The following SERPINB6 variants were observed in gnomAD, a reference collection of about 807,000 sequenced individuals.
The protein encoded by SERPINB6 is serpin B6.
SERPINB6 carries 16 observed loss-of-function variants against 26.1 expected under a neutral mutation model. The ratio of observed to expected loss-of-function variants is 0.61; its 90% CI spans 0.42 to 0.93. SERPINB6 has a LOEUF of 0.93. SERPINB6 is among the 40% of genes least tolerant of loss of function. The pLI is 0.00. For synonymous variants in SERPINB6, 174 were observed against 176.6 expected (o/e 0.99, Z 0.11); for missense variants, 420 against 478.0 (o/e 0.88, Z 1.13).
intron 3 of SERPINB6, 85 bp downstream of exon 3, chr6:2,955,439 A>T: frequency 6.6e-7 from 1 of 1,512,540 alleles, no homozygotes; most frequent in Non-Finnish European, 9.2e-7. Context: ...AATGGCATTT[A>T]GAGCCACACG....
intron 1 of SERPINB6, among the ~76,000 whole-genome samples, chr6:2,963,078 G>A (rs918182846): frequency 6.6e-6 from 1 of 151,900 alleles, no homozygotes; most frequent in Non-Finnish European, 1.5e-5. Context: ...ACAATTTGAT[G>A]GTCTACCCAA....
At chr6:2,965,032 A>G (rs1771479766) in intron 1 of SERPINB6, among the ~76,000 whole-genome samples, 1 of 152,154 alleles carries the variant, frequency 6.6e-6, no homozygotes, top group Non-Finnish European at 1.5e-5. Context: ...CTAGAGGCCG[A>G]GGGCCCGGTC....
intron 1 of SERPINB6, among the ~76,000 whole-genome samples, chr6:2,964,560 T>C (rs927913146): frequency 2.6e-5 from 4 of 152,226 alleles, no homozygotes; most frequent in African/African-American, 9.6e-5. Flanking sequence ...TTTGTGTTTT[T>C]CTGGATTTTC....
At chr6:2,968,853 A>C in intron 1 of SERPINB6, 1 of 1,231,400 alleles carries the variant, frequency 8.1e-7, no homozygotes, top group Non-Finnish European at 1.0e-6. Flanking sequence ...AGGGATCAGC[A>C]GCTTTTTTGT....
intron 2 of SERPINB6, chr6:2,956,916 C>T (rs976033258): frequency 1.3e-5 from 2 of 152,194 alleles, no homozygotes; most frequent in Non-Finnish European, 2.9e-5. Context: ...GAGTGACCTG[C>T]ACTGCTTCCT....
At chr6:2,951,852 C>T (rs1020936364) in intron 5 of SERPINB6, among the ~76,000 whole-genome samples, 6 of 152,212 alleles carry the variant, frequency 3.9e-5, no homozygotes, top group Admixed American at 6.5e-5. Flanking sequence ...CTTTCTGAAA[C>T]GCAGAACCAC....
chr6:2,958,562 GGAAGGCCCCAGCGGA>G (rs67522103), intron 2 of SERPINB6, among the ~76,000 whole-genome samples: 37,017 of 151,822 alleles, frequency 0.24, 4,841 homozygotes, highest in Non-Finnish European at 0.3. Flanking sequence ...GGAAGCATGT[GGAAGGCCCCAGCGGA>G]GAAGGCCACG....
rs775223503 is a variant in SERPINB6 at position 2,948,486 on chromosome 6, C to T, written c.943G>A (p.Val315Ile). 2.5e-6 allele frequency: 4 copies of T among 1,614,184 alleles called. No individual in the cohort carries two copies. The highest frequency in any genetic ancestry group is 3.4e-6 in the Non-Finnish European group (4 of 1,180,022). ...ACCTCCACAAAAGACTTGTGCACGA[C>T]CTTGGACAGAGACAGGTCTGTCTGG... ...MSQTDLSLSK[V>I]VHKSFVEVNE... is the part of the protein sequence containing the mutation. The change falls in exon 7 of 7, where the codon GTC becomes ATC. Residue 315 changes from valine to isoleucine, a missense_variant. Coordinates refer to ENST00000380539, the MANE Select transcript of SERPINB6 (RefSeq NM_004568.6). This position sits in a 1 kb window ranked among gnomAD's most constrained non-coding sequence, Gnocchi z 5.0.
In SERPINB6 at chr6:2,948,961, G is replaced by A. The variant is rs1343865061; in HGVS notation, c.682C>T (p.Leu228=). The change falls in exon 6 of 7, where the codon CTG becomes TTG. Residue 228 remains leucine, a synonymous_variant. Transcript: ENST00000380539. This position sits in a 1 kb window ranked among gnomAD's most constrained non-coding sequence, Gnocchi z 5.0. ...ILVLPYVGKE[L]NMIIMLPDET... ...TCCGGAAGCATGATGATCATATTCA[G>A]TTCCTTGCCAACATATGGAAGCACC... 4 of 1,614,210 alleles carry A rather than the reference G, an allele frequency of 2.5e-6. No homozygotes were observed. In the East Asian group the frequency reaches 6.7e-5, roughly 27 times the overall value.
At chr6:2,954,275 A>T (rs566029122) in intron 4 of SERPINB6, among the ~76,000 whole-genome samples, 2 of 152,336 alleles carry the variant, frequency 1.3e-5, no homozygotes, top group South Asian at 4.1e-4. Context: ...TTGTGAAAGG[A>T]AAAACTATAT....
rs769195054 is a variant in SERPINB6, at chr6:2,948,596, T to A, written c.833A>T (p.Glu278Val). 1 of 1,614,220 alleles carries A rather than the reference T, an allele frequency of 6.2e-7. No individual in the cohort carries two copies. Among genetic ancestry groups the A allele is most frequent in the South Asian group, 1.1e-5 (1 of 91,084 alleles). ...EVSLPRFKLEESYDMESVLRN... is the reference protein window; with the variant it reads ...EVSLPRFKLEVSYDMESVLRN... ...CAGGACACTCTCCATGTCGTAGCTT[T>A]CCTCTAGTTTAAACCGCGGGAGGGA... The change falls in exon 7 of 7, where the codon GAA becomes GTA. Residue 278 changes from glutamate (E) to valine (V), a missense_variant. Glu to Val is a moderately radical substitution (Grantham distance 121). Transcript: ENST00000380539. The surrounding 1 kb of genome is among the most constrained non-coding windows in gnomAD (Gnocchi z 5.0).
chr6:2,955,485 C>A (rs753813207), intron 3 of SERPINB6, 39 bp downstream of exon 3: 4 of 1,613,818 alleles, frequency 2.5e-6, no homozygotes, highest in Non-Finnish European at 2.5e-6. Context: ...TACCTGGCCA[C>A]CTTTATTTCT....
intron 2 of SERPINB6, chr6:2,958,032 A>G (rs1175599564): frequency 6.6e-6 from 1 of 152,224 alleles, no homozygotes; most frequent in East Asian, 1.9e-4. Context: ...TGTCCCCTCA[A>G]ATTTACACAC....
At chr6:2,965,327 T>C (rs1771513937) in intron 1 of SERPINB6, among the ~76,000 whole-genome samples, 1 of 152,252 alleles carries the variant, frequency 6.6e-6, no homozygotes, top group Non-Finnish European at 1.5e-5. Context: ...CTGCTGAGCA[T>C]GCGCGACTTT....
intron 1 of SERPINB6, chr6:2,961,439 C>A (rs1581263285): frequency 6.6e-6 from 1 of 152,088 alleles, no homozygotes; most frequent in Admixed American, 6.5e-5. Context: ...CCAGTATAAA[C>A]AAAAGTAGCC....
chr6:2,954,890 G>A (rs1375352714), intron 3 of SERPINB6, 181 bp from the exon 4 acceptor site: 3 of 601,418 alleles, frequency 5.0e-6, no homozygotes, highest in Non-Finnish European at 8.9e-6. Flanking sequence ...TTTAATCCTA[G>A]CTTAAAAACT....
At chr6:2,959,376 C>T in intron 1 of SERPINB6, 34 bp from the exon 2 acceptor site, 1 of 1,607,094 alleles carries the variant, frequency 6.2e-7, no homozygotes, top group Non-Finnish European at 8.5e-7. Flanking sequence ...ATCACTTAAG[C>T]ACAGCTTCCA....
intron 4 of SERPINB6, among the ~76,000 whole-genome samples, chr6:2,954,243 C>A (rs991780235): frequency 1.5e-4 from 23 of 152,122 alleles, no homozygotes; most frequent in African/African-American, 5.3e-4. Flanking sequence ...TTGAGATCCA[C>A]ACTGCGAATT....
chr6:2,949,373 G>A (rs1388280686), intron 5 of SERPINB6, among the ~76,000 whole-genome samples: 1 of 152,214 alleles, frequency 6.6e-6, no homozygotes, highest in Non-Finnish European at 1.5e-5. Context: ...TGGGCCTCCT[G>A]CATTTTACTG....
Sources: allele counts gnomAD v4.1 joint callset (sites outside exome capture counted in the v4.1 genomes callset), GRCh38; gene constraint gnomAD v4.1.1; non-coding constraint Gnocchi (gnomAD v3.1); transcripts MANE v1.5; gene names NCBI Gene and HGNC (gene_info 2026-07-23, HGNC 2026-07-21).